The following UGP2 variants were observed in gnomAD, a reference collection of about 807,000 sequenced individuals.
UGP2 encodes the protein UTP--glucose-1-phosphate uridylyltransferase.
UGP2 carries 40 observed loss-of-function variants against 49.0 expected under a neutral mutation model. The ratio of observed to expected loss-of-function variants is 0.82; its 90% CI spans 0.63 to 1.06. The LOEUF (loss-of-function observed/expected upper bound fraction) is 1.06. UGP2 is among the 50% of genes least tolerant of loss of function. The pLI is 0.00. For missense variants in UGP2, 460 were observed against 603.5 expected (o/e 0.76, Z 2.49); for synonymous variants, 225 against 213.0 (o/e 1.06, Z -0.49).
intron 1 of UGP2, chr2:63,855,405 G>C (rs1291999098): frequency 4.1e-6 from 2 of 484,734 alleles, no homozygotes; most frequent in Admixed American, 4.3e-5. Flanking sequence ...AAATAATCCA[G>C]TTGTCCCTAT....
rs1397233908 is a variant in UGP2 at position 63,891,492 on chromosome 2, T to G, written c.*265T>G. The G allele has an allele frequency of 3.7e-6, 1 of 269,534 alleles. No individual in the cohort carries two copies. Among genetic ancestry groups the G allele is most frequent in the African/African-American group, 2.2e-5 (1 of 45,038 alleles). 16.7% of individuals were successfully genotyped at this position (269,534 alleles called of 1,614,324 possible). ...TAAAACTGGGCAACTTTGGAAGAAC[T>G]TTTAACAGAAGCCTCAATGATGATC... On this transcript the variant is annotated 3_prime_UTR_variant, in exon 10 of 10. Coordinates refer to ENST00000337130, the MANE Select transcript of UGP2 (RefSeq NM_006759.4).
intron 1 of UGP2, among the ~76,000 whole-genome samples, chr2:63,852,987 G>A (rs560138503): frequency 6.6e-6 from 1 of 152,268 alleles, no homozygotes; most frequent in South Asian, 2.1e-4. Flanking sequence ...AGTAAAGAAT[G>A]TGATCCTGGA....
At chr2:63,845,634 T>C (rs1268996248) in intron 1 of UGP2, among the ~76,000 whole-genome samples, 2 of 152,208 alleles carry the variant, frequency 1.3e-5, no homozygotes, top group Non-Finnish European at 2.9e-5. Flanking sequence ...GGTTTTCTTC[T>C]GAATACAGTG....
chr2:63,886,242 A>T, intron 6 of UGP2, 99 bp from the exon 7 acceptor site: 1 of 1,154,254 alleles, frequency 8.7e-7, no homozygotes, highest in Non-Finnish European at 1.3e-6. Context: ...TTTCTACATA[A>T]TGTATTTATA....
Position 63,882,670 on chromosome 2 carries a change from T to C in UGP2, c.441+19T>C, listed in dbSNP as rs1402734681. 6.7e-7 allele frequency: 1 copy of C among 1,495,064 alleles called. No homozygotes were observed. Among genetic ancestry groups the C allele is most frequent in the Admixed American group, 2.1e-5 (1 of 48,502 alleles). The allele number at this position is 1,495,064 out of a possible 1,614,324, so 92.6% of individuals were successfully genotyped here. A position where few individuals can be genotyped will look rare whatever the true frequency, so the allele number is the denominator to read the frequency against. On this transcript the variant is annotated intron_variant, in intron 4 of 9. Coordinates refer to ENST00000337130, the MANE Select transcript of UGP2 (RefSeq NM_006759.4). ...AATTGAAGTGAGTAACATTTAGCCT[T>C]TCTCATGAGATACTAAAATAGTTTT...
At chr2:63,858,888 GC>G (rs571118040) in intron 3 of UGP2, among the ~76,000 whole-genome samples, 6 of 40,834 alleles carry the variant, frequency 1.5e-4, no homozygotes, top group African/African-American at 6.9e-4. Flanking sequence ...ACACCCCCCC[GC>G]CCCCCCGAAA....
chr2:63,860,879 T>C (rs2104292509), intron 3 of UGP2, among the ~76,000 whole-genome samples: 1 of 151,542 alleles, frequency 6.6e-6, no homozygotes, highest in East Asian at 1.9e-4. Flanking sequence ...ATAAAAATAG[T>C]TTTTCATAAA....
chr2:63,882,829 A>ATG (rs1671408521), intron 4 of UGP2, 178 bp downstream of exon 4: 1 of 521,450 alleles, frequency 1.9e-6, no homozygotes. Flanking sequence ...CCTTAAGGTT[A>ATG]TGTAAAGGCT....
chr2:63,844,596 T>G (rs1224101739), intron 1 of UGP2, among the ~76,000 whole-genome samples: 2 of 152,172 alleles, frequency 1.3e-5, no homozygotes, highest in Non-Finnish European at 2.9e-5. Flanking sequence ...AGGGTCTCAC[T>G]TTGTTGCCAG....
intron 9 of UGP2, 88 bp downstream of exon 9, chr2:63,890,273 A>C: frequency 1.0e-6 from 1 of 991,576 alleles, no homozygotes. Context: ...ACTTTAAGGA[A>C]TACTTGTTAG....
chr2:63,855,037 T>C (rs1296809987), intron 1 of UGP2: 1 of 155,082 alleles, frequency 6.4e-6, no homozygotes, highest in Non-Finnish European at 1.4e-5. Flanking sequence ...AAGTTATTGT[T>C]CTGCAGAGGG....
chr2:63,886,585 T>C (rs747321322), intron 7 of UGP2, 47 bp downstream of exon 7: 3 of 1,603,436 alleles, frequency 1.9e-6, no homozygotes, highest in South Asian at 2.2e-5. Context: ...CCTAAGGTCA[T>C]AGTAGGCTAC....
chr2:63,864,256 G>A (rs1670030106), intron 3 of UGP2, among the ~76,000 whole-genome samples: 2 of 152,162 alleles, frequency 1.3e-5, no homozygotes, highest in Non-Finnish European at 2.9e-5. Context: ...GGAAACTGAA[G>A]TTCAGAGTAA....
intron 3 of UGP2, among the ~76,000 whole-genome samples, chr2:63,878,704 T>C (rs952141564): frequency 1.3e-5 from 2 of 152,136 alleles, no homozygotes; most frequent in African/African-American, 2.4e-5. Context: ...CCTGGGACTA[T>C]AGGTGTGCAC....
intron 5 of UGP2, among the ~76,000 whole-genome samples, chr2:63,884,339 A>G (rs1417965554): frequency 6.6e-6 from 1 of 152,196 alleles, no homozygotes; most frequent in African/African-American, 2.4e-5. Flanking sequence ...ATTTGGGGAT[A>G]GTTTAAGCCT....
At chr2:63,847,654 A>T (rs1672023620) in intron 1 of UGP2, among the ~76,000 whole-genome samples, 1 of 152,152 alleles carries the variant, frequency 6.6e-6, no homozygotes, top group South Asian at 2.1e-4. Context: ...TCTGGCGGGC[A>T]GGAGTGGGGG....
In UGP2 at chr2:63,887,479, A is replaced by G. The variant is rs781657411; in HGVS notation, c.1149A>G (p.Leu383=). ...CCATCAAAAGTTTTGAGAATTCTCT[A>G]GGTATTAATGTGCCAAGGAGCCGTT... ...GAAIKSFENS[L]GINVPRSRFL... Residue 383 remains leucine, a synonymous_variant, in exon 8 of 10, where the codon CTA becomes CTG. Transcript: ENST00000337130. 7 of 1,614,052 alleles carry G rather than the reference A, an allele frequency of 4.3e-6. No homozygotes were observed. In the East Asian group the frequency reaches 1.6e-4, roughly 36 times the overall value.
In UGP2 at chr2:63,887,379, TC is replaced by T. The variant is rs780684667; in HGVS notation, c.1072-19del. 49 of 1,613,084 alleles carry T rather than the reference TC, an allele frequency of 3.0e-5. No homozygotes were observed. In the South Asian group the frequency reaches 5.2e-4, roughly 17 times the overall value. On this transcript the variant is annotated intron_variant, in intron 7 of 9. Transcript: ENST00000337130. ...GGTGCCTAAAACCTCTGTTTTCTATTCCCCACCCCTAATTTCTTACAGACTT... is the reference window on the plus strand; with the variant it reads ...GGTGCCTAAAACCTCTGTTTTCTATTCCCACCCCTAATTTCTTACAGACTT...
At position 63,855,768 on chromosome 2, in the gene UGP2, C is replaced by G; in HGVS notation, c.20-538C>G. On this transcript the variant is annotated intron_variant, in intron 1 of 9. Transcript: ENST00000337130. ...TGTTGCCCAGCCTGGTCTCAAACTCCTGGGCTCCAGGGTCTACCCGCCTCA... is the reference window on the plus strand; with the variant it reads ...TGTTGCCCAGCCTGGTCTCAAACTCGTGGGCTCCAGGGTCTACCCGCCTCA... 1.7e-5 allele frequency: 6 copies of G among 350,112 alleles called. 1 individual carries two copies. The highest frequency in any genetic ancestry group is 1.2e-4 in the South Asian group (6 of 48,656). The allele number at this position is 350,112 out of a possible 1,614,324, so 21.7% of individuals were successfully genotyped here. A position where few individuals can be genotyped will look rare whatever the true frequency, so the allele number is the denominator to read the frequency against.
Sources: gnomAD v4.1 joint callset for allele counts (sites outside exome capture counted in the v4.1 genomes callset) on GRCh38, gnomAD v4.1.1 for gene constraint, MANE v1.5 for transcripts, NCBI Gene and HGNC (gene_info 2026-07-23, HGNC 2026-07-21) for gene names.